The following SDAD1 variants were observed in gnomAD, a reference collection of about 807,000 sequenced individuals.
SDAD1 encodes protein SDA1 homolog.
SDAD1 carries 79 observed loss-of-function variants against 100.3 expected under a neutral mutation model. That is an observed-to-expected ratio of 0.79 (90% CI 0.66 to 0.95). The LOEUF (loss-of-function observed/expected upper bound fraction) is 0.95, where lower values mean the gene tolerates loss of function less well. Ranked by LOEUF, SDAD1 falls within the 40% of genes least tolerant of loss-of-function variation. SDAD1 has a pLI of 0.00. For synonymous variants in SDAD1, 267 were observed against 271.4 expected (o/e 0.98, Z 0.16); for missense variants, 790 against 810.9 (o/e 0.97, Z 0.31).
At chr4:75,959,967 A>AT in intron 17 of SDAD1, 99 bp downstream of exon 17, 1 of 1,283,932 alleles carries the variant, frequency 7.8e-7, no homozygotes, top group Non-Finnish European at 1.0e-6. Context: ...TGCTCAATAA[A>AT]TATCTGCTGA....
intron 14 of SDAD1, 91 bp downstream of exon 14, chr4:75,964,044 A>G (rs2149314988): frequency 2.4e-6 from 2 of 821,730 alleles, no homozygotes; most frequent in East Asian, 5.2e-5. Context: ...TAGAGGTGAT[A>G]CTACCAGCTA....
chr4:75,965,916 G>A, intron 12 of SDAD1, 94 bp from the exon 13 acceptor site: 5 of 1,002,828 alleles, frequency 5.0e-6, no homozygotes, highest in South Asian at 1.4e-5. Flanking sequence ...TGGTCTAAAT[G>A]GTATTGCTGC....
At chr4:75,975,370 GCA>G (rs1730100383) in intron 6 of SDAD1, among the ~76,000 whole-genome samples, 1 of 152,192 alleles carries the variant, frequency 6.6e-6, no homozygotes, top group South Asian at 2.1e-4. Context: ...AGAAGAGAGA[GCA>G]CAGATTTTGG....
intron 2 of SDAD1, 101 bp downstream of exon 2, chr4:75,981,832 A>G: frequency 2.3e-6 from 2 of 880,370 alleles, no homozygotes; most frequent in Non-Finnish European, 3.5e-6. Flanking sequence ...TATTTTAATT[A>G]AGTTCCCATT....
intron 21 of SDAD1, among the ~76,000 whole-genome samples, chr4:75,955,015 TATTG>T (rs1728812878): frequency 6.6e-6 from 1 of 152,236 alleles, no homozygotes; most frequent in African/African-American, 2.4e-5. Flanking sequence ...GTCCTGTTTC[TATTG>T]ATTGTTTACA....
chr4:75,953,390 T>C (rs1465692887), intron 21 of SDAD1, among the ~76,000 whole-genome samples: 1 of 152,150 alleles, frequency 6.6e-6, no homozygotes, highest in Middle Eastern at 3.2e-3. Context: ...AACAGGGTAA[T>C]TAATACTTCC....
chr4:75,967,835 T>C (rs1321949471), intron 11 of SDAD1, among the ~76,000 whole-genome samples: 5 of 152,108 alleles, frequency 3.3e-5, no homozygotes, highest in Middle Eastern at 3.2e-3. Flanking sequence ...TCCAACCACA[T>C]GGAAGGAGTT....
chr4:75,984,742 T>C (rs1003985511), intron 1 of SDAD1, among the ~76,000 whole-genome samples: 3 of 144,546 alleles, frequency 2.1e-5, no homozygotes, highest in East Asian at 2.1e-4. Flanking sequence ...ACATAGTCTA[T>C]GTCTTTAAAT....
intron 21 of SDAD1, among the ~76,000 whole-genome samples, chr4:75,951,437 T>C (rs1228532693): frequency 1.3e-5 from 2 of 152,210 alleles, no homozygotes; most frequent in East Asian, 1.9e-4. Context: ...CTGACAATTG[T>C]AGCTTATGGC....
rs781314653 is a variant in SDAD1 at position 75,970,361 on chromosome 4, T to C, written c.831A>G (p.Lys277=). The change falls in exon 10 of 22, where the codon AAA becomes AAG. Residue 277 remains lysine, a synonymous_variant. Transcript: ENST00000356260. The stretch of plus-strand genomic sequence containing the variant: ...CTGAAAAGTTAAACACCTCTGGTTT[T>C]TTCTTCTTTTTTTGTTTCTGAAAGG... ...MKVLKKQKKK[K]KPEVFNFSAI... is the part of the protein sequence containing the mutation. The C allele has an allele frequency of 1.2e-6, 2 of 1,613,766 alleles. No individual in the cohort carries two copies. The highest frequency in any genetic ancestry group is 1.7e-6 in the Non-Finnish European group (2 of 1,179,682).
At chr4:75,975,216 A>G (rs186228547) in intron 6 of SDAD1, among the ~76,000 whole-genome samples, 14 of 152,346 alleles carry the variant, frequency 9.2e-5, no homozygotes, top group African/African-American at 3.1e-4. Flanking sequence ...GCTGTAATGA[A>G]TATTACTTTT....
At position 75,975,989 on chromosome 4, in the gene SDAD1, A is replaced by G; in HGVS notation, c.412T>C (p.Tyr138His). 6.3e-7 allele frequency: 1 copy of G among 1,595,846 alleles called. No homozygotes were observed. The highest frequency in any genetic ancestry group is 8.6e-7 in the Non-Finnish European group (1 of 1,164,560). Residue 138 changes from tyrosine (Y) to histidine (H), a missense_variant, in exon 5 of 22, where the codon TAC becomes CAC. By Grantham distance (83) the Tyr-to-His change is moderately conservative (BLOSUM62 2). Transcript: ENST00000356260. ...CHDKLLRKTL[Y>H]THIVTDIKNI... Reference sequence around the variant, plus strand: ...TTGATATCAGTCACAATATGTGTGTATAAAGTCTGAGGAAAAGAAACAAAA... The same window carrying G: ...TTGATATCAGTCACAATATGTGTGTGTAAAGTCTGAGGAAAAGAAACAAAA...
At chr4:75,973,144 T>C (rs1729960940) in intron 8 of SDAD1, among the ~76,000 whole-genome samples, 173 bp downstream of exon 8, 1 of 152,238 alleles carries the variant, frequency 6.6e-6, no homozygotes, top group Non-Finnish European at 1.5e-5. Flanking sequence ...AAGATAATCT[T>C]ACTGAATACA....
intron 16 of SDAD1, among the ~76,000 whole-genome samples, chr4:75,960,684 C>T (rs949768329): frequency 3.9e-5 from 6 of 152,164 alleles, no homozygotes; most frequent in African/African-American, 1.4e-4. Context: ...TCCTCCCTTC[C>T]AACTTGAAAG....
chr4:75,986,157 C>T (rs547691360), intron 1 of SDAD1, among the ~76,000 whole-genome samples: 8 of 152,018 alleles, frequency 5.3e-5, no homozygotes, highest in Non-Finnish European at 1.0e-4. Flanking sequence ...CCTGCTCTGT[C>T]GCCCAGGTTT....
chr4:75,979,584 T>C (rs1730373610), intron 3 of SDAD1, among the ~76,000 whole-genome samples: 1 of 151,714 alleles, frequency 6.6e-6, no homozygotes, highest in African/African-American at 2.4e-5. Context: ...GCCTCCCAAG[T>C]AGCTGGGATT....
At chr4:75,962,783 T>A (rs1363837705) in intron 14 of SDAD1, among the ~76,000 whole-genome samples, 3 of 152,234 alleles carry the variant, frequency 2.0e-5, no homozygotes, top group African/African-American at 7.2e-5. Context: ...TTGTAGATTC[T>A]GGATATTAGC....
At position 75,981,991 on chromosome 4, in the gene SDAD1, T is replaced by C. The variant is rs755585612; in HGVS notation, c.137A>G (p.Lys46Arg). ...NHYKSNVEIF[K>R]LQPNKPSKEL... ...TTTGCTGGGTTTATTTGGTTGCAAT[T>C]TGAAAATCTCCACATTGGATTTGTA... The change falls in exon 2 of 22, where the codon AAA (lysine) becomes AGA (arginine). Residue 46 changes from lysine (K) to arginine (R), a missense_variant. Physicochemically the swap from Lys to Arg is conservative, Grantham distance 26. Coordinates refer to ENST00000356260, the MANE Select transcript of SDAD1 (RefSeq NM_018115.4). The C allele has an allele frequency of 1.2e-6, 2 of 1,612,640 alleles. No homozygotes were observed. The highest frequency in any genetic ancestry group is 1.7e-6 in the Non-Finnish European group (2 of 1,179,558).
intron 14 of SDAD1, among the ~76,000 whole-genome samples, chr4:75,962,870 T>G (rs942693378): frequency 3.3e-5 from 5 of 152,204 alleles, no homozygotes; most frequent in African/African-American, 1.2e-4. Context: ...GTAGTTTCTT[T>G]TGCTGTGCAG....
Sources: gnomAD v4.1 joint callset for allele counts (sites outside exome capture counted in the v4.1 genomes callset) on GRCh38, gnomAD v4.1.1 for gene constraint, MANE v1.5 for transcripts, NCBI Gene and HGNC (gene_info 2026-07-23, HGNC 2026-07-21) for gene names.